DCDC1: variants seen among roughly 807,000 people sequenced by gnomAD.
DCDC1 encodes doublecortin domain-containing protein 1.
DCDC1 carries 200 observed loss-of-function variants against 178.3 expected under a neutral mutation model. The observed-to-expected ratio is 1.12, with a 90% CI of 1.00 to 1.26. The LOEUF (loss-of-function observed/expected upper bound fraction) is 1.26, where lower values mean the gene tolerates loss of function less well. DCDC1 is among the 50% of genes most tolerant of loss of function. DCDC1 has a pLI of 0.00. For missense variants in DCDC1, 1,983 were observed against 1,749.2 expected (o/e 1.13, Z -2.38); for synonymous variants, 690 against 604.8 (o/e 1.14, Z -2.07).
intron 36 of DCDC1, among the ~76,000 whole-genome samples, chr11:30,891,207 A>G (rs900781519): frequency 6.6e-6 from 1 of 152,218 alleles, no homozygotes; most frequent in African/African-American, 2.4e-5. Context: ...TCAATTATAT[A>G]GCACTATTAA....
chr11:31,161,731 A>G (rs1966331094), intron 9 of DCDC1, among the ~76,000 whole-genome samples: 2 of 152,188 alleles, frequency 1.3e-5, no homozygotes. Context: ...GAAGTCATAT[A>G]CAAGCAGTGG....
chr11:31,162,889 T>C (rs1037242301), intron 9 of DCDC1, among the ~76,000 whole-genome samples: 9 of 152,188 alleles, frequency 5.9e-5, no homozygotes, highest in African/African-American at 1.9e-4. Flanking sequence ...TACTACAGCA[T>C]ACAATAATTA....
At position 30,931,774 on chromosome 11, in the gene DCDC1, G is replaced by A. The variant is rs139705632; in HGVS notation, c.2894C>T (p.Thr965Met). The stretch of plus-strand genomic sequence containing the variant: ...AGTATGAACAAGTTGTTCTTACTGC[G>A]TTTTCCGTCCAGGTGAGATATCTGG... ...LGPDISPGRK[T>M]QCTEILNLPS... The change falls in exon 22 of 39, where the codon ACG (threonine) becomes ATG (methionine). Residue 965 changes from threonine to methionine, a missense_variant. Transcript: ENST00000684477. 2.1e-4 allele frequency: 337 copies of A among 1,608,178 alleles called. No individual in the cohort carries two copies. The African/African-American group carries it at 3.3e-3, about 16-fold the overall frequency.
At chr11:31,358,676 T>C (rs1446784205) in intron 1 of DCDC1, among the ~76,000 whole-genome samples, 1 of 152,108 alleles carries the variant, frequency 6.6e-6, no homozygotes, top group Non-Finnish European at 1.5e-5. Flanking sequence ...ACAAAATTTT[T>C]GCAACCTACT....
intron 11 of DCDC1, among the ~76,000 whole-genome samples, chr11:31,122,407 T>C (rs781344259): frequency 1.2e-4 from 19 of 152,104 alleles, no homozygotes; most frequent in Non-Finnish European, 2.6e-4. Flanking sequence ...ATTTGGGAGC[T>C]TTTGAAAAAA....
chr11:31,205,929 T>C (rs926005575), intron 9 of DCDC1, among the ~76,000 whole-genome samples: 46 of 152,286 alleles, frequency 3.0e-4, no homozygotes, highest in African/African-American at 1.1e-3. Flanking sequence ...TCTCAAAAGC[T>C]GAACCTTACC....
chr11:30,932,773 A>G (rs1947019464), intron 21 of DCDC1, among the ~76,000 whole-genome samples: 1 of 152,172 alleles, frequency 6.6e-6, no homozygotes. Flanking sequence ...AAGGATGGGT[A>G]AAAAGAGGGA....
intron 7 of DCDC1, among the ~76,000 whole-genome samples, chr11:31,272,716 G>A (rs1260961109): frequency 6.6e-6 from 1 of 152,242 alleles, no homozygotes; most frequent in Non-Finnish European, 1.5e-5. Flanking sequence ...GACGCAAGAA[G>A]GGGGTTCCCA....
intron 21 of DCDC1, among the ~76,000 whole-genome samples, chr11:30,940,267 C>T (rs77304076): frequency 0.04 from 6,118 of 152,092 alleles, 396 homozygotes; most frequent in African/African-American, 0.14. Flanking sequence ...GCCTCCCAGA[C>T]AGCATCAAGG....
intron 10 of DCDC1, among the ~76,000 whole-genome samples, chr11:31,136,498 CTGT>C (rs1167396816): frequency 6.6e-6 from 1 of 151,976 alleles, no homozygotes; most frequent in Non-Finnish European, 1.5e-5. Flanking sequence ...TGCATGCTAC[CTGT>C]TCATCTATTA....
At chr11:31,161,963 T>C (rs772142926) in intron 9 of DCDC1, among the ~76,000 whole-genome samples, 3 of 152,158 alleles carry the variant, frequency 2.0e-5, no homozygotes, top group Non-Finnish European at 2.9e-5. Flanking sequence ...AGAAAGAAAA[T>C]GTTCAACTAT....
intron 4 of DCDC1, among the ~76,000 whole-genome samples, chr11:31,306,596 C>A (rs1158724189): frequency 6.6e-6 from 1 of 151,858 alleles, no homozygotes; most frequent in South Asian, 2.1e-4. Context: ...ATTTAAAACA[C>A]AGTGTTTGCC....
Position 31,306,389 on chromosome 11 carries a change from C to G in DCDC1, c.435-1G>C. ...TTTTAAAGAAGAGAACTCTGCAACC[C>G]TGAAGAAAAAGAAAAACAGAAAAAT... On this transcript the variant is annotated splice_acceptor_variant, in intron 4 of 38. Coordinates refer to ENST00000684477, the MANE Select transcript of DCDC1 (RefSeq NM_001387274.1). LOFTEE classifies it high-confidence loss of function. 3 of 1,580,734 alleles carry G rather than the reference C, an allele frequency of 1.9e-6. No individual in the cohort carries two copies. The highest frequency in any genetic ancestry group is 1.4e-5 in the African/African-American group (1 of 72,708).
chr11:30,979,181 A>T (rs2134773851), intron 20 of DCDC1, among the ~76,000 whole-genome samples: 1 of 152,252 alleles, frequency 6.6e-6, no homozygotes, highest in African/African-American at 2.4e-5. Flanking sequence ...AATAACTAAA[A>T]TAGCAAGTAC....
intron 20 of DCDC1, among the ~76,000 whole-genome samples, chr11:31,014,611 C>CT (rs1297022380): frequency 2.0e-5 from 3 of 152,184 alleles, no homozygotes; most frequent in African/African-American, 7.2e-5. Context: ...GAACATATTA[C>CT]TTATTCAAAA....
intron 27 of DCDC1, among the ~76,000 whole-genome samples, chr11:30,915,045 T>C (rs952120747): frequency 6.6e-6 from 1 of 152,200 alleles, no homozygotes. Flanking sequence ...GGAATTAGTT[T>C]ATACTGCGTG....
In DCDC1 at chr11:31,051,385, T is replaced by C. The variant is rs186863528; in HGVS notation, c.2591+13084A>G. Among the ~76,000 whole-genome samples the C allele has an allele frequency of 1.1e-4, 16 of 152,204 alleles. 1 individual carries two copies. In the East Asian group the frequency reaches 2.9e-3, roughly 28 times the overall value. On this transcript the variant is annotated intron_variant, in intron 20 of 38. Coordinates refer to ENST00000684477, the MANE Select transcript of DCDC1 (RefSeq NM_001387274.1). ...CCTGAGGAAGAAGAGAATTACAAAA[T>C]CCTGGAAAACATATTTGGGGGAATA...
intron 1 of DCDC1, among the ~76,000 whole-genome samples, chr11:31,369,413 T>TTCGAAGGATGTTCTAC (rs1952154276): frequency 2.0e-5 from 3 of 152,160 alleles, no homozygotes; most frequent in Admixed American, 2.0e-4. Context: ...AATTAGAACA[T>TTCGAAGGATGTTCTAC]TGTAAAGGAA....
chr11:31,345,086 T>G (rs1254900345), intron 1 of DCDC1, among the ~76,000 whole-genome samples: 1 of 152,142 alleles, frequency 6.6e-6, no homozygotes, highest in East Asian at 1.9e-4. Context: ...TACCAATAAT[T>G]ATAATGAAAA....
Sources: gnomAD v4.1 joint callset for allele counts (sites outside exome capture counted in the v4.1 genomes callset) on GRCh38, gnomAD v4.1.1 for gene constraint, MANE v1.5 for transcripts, NCBI Gene and HGNC (gene_info 2026-07-23, HGNC 2026-07-21) for gene names.